The following AATK variants were observed in gnomAD, a reference collection of about 807,000 sequenced individuals.
The protein encoded by AATK is lemur tail kinase 1.
In AATK, 91 loss-of-function variants were observed where a neutral mutation model predicts 114.3. That is an observed-to-expected ratio of 0.80 (90% CI 0.67 to 0.95). The LOEUF (loss-of-function observed/expected upper bound fraction) is 0.95. AATK is among the 40% of genes least tolerant of loss of function. The pLI is 0.00. For missense variants in AATK, 2,176 were observed against 1,965.2 expected (o/e 1.11, Z -2.03); for synonymous variants, 1,075 against 916.5 (o/e 1.17, Z -3.12).
At chr17:81,119,337 G>C (rs8081830) in intron 13 of AATK, 43 bp downstream of exon 13, 5 of 1,115,558 alleles carry the variant, frequency 4.5e-6, no homozygotes, top group Non-Finnish European at 4.6e-6. Context: ...TCCGTGCCCT[G>C]CCTCCCGCGT....
chr17:81,130,951 TGTGCTGCCCCC>T, intron 3 of AATK, 99 bp downstream of exon 3: 1 of 1,361,640 alleles, frequency 7.3e-7, no homozygotes, highest in Non-Finnish European at 9.9e-7. Flanking sequence ...CTCCCAGCCC[TGTGCTGCCCCC>T]ACTCCAGAGC....
At chr17:81,156,057 T>C (rs1363926305) in intron 1 of AATK, among the ~76,000 whole-genome samples, 7 of 151,596 alleles carry the variant, frequency 4.6e-5, no homozygotes, top group South Asian at 4.2e-4. Context: ...TATGTTACCA[T>C]GTTATAATGT....
At position 81,138,260 on chromosome 17, in the gene AATK, C is replaced by G. The variant is rs149286557; in HGVS notation, c.56-3759G>C. ...ACATACCCACACACATGCACAGAGA[C>G]ATACCCACATGCACGTGCACACCCA... On this transcript the variant is annotated intron_variant, in intron 1 of 13. Coordinates refer to ENST00000326724, the MANE Select transcript of AATK (RefSeq NM_001080395.3). Among the ~76,000 whole-genome samples the G allele has an allele frequency of 5.1e-3, 765 of 149,000 alleles. 7 individuals are homozygous for G. The highest frequency in any genetic ancestry group is 9.1e-3 in the Non-Finnish European group (611 of 67,142).
At chr17:81,155,086 G>A (rs76744164) in intron 1 of AATK, among the ~76,000 whole-genome samples, 7,032 of 152,264 alleles carry the variant, frequency 0.046, 198 homozygotes, top group South Asian at 0.089. Flanking sequence ...TTGACTCCAC[G>A]GATGTGCATC....
chr17:81,156,422 A>G (rs1250338666), intron 1 of AATK, among the ~76,000 whole-genome samples: 9 of 152,074 alleles, frequency 5.9e-5, no homozygotes, highest in Admixed American at 5.9e-4. Flanking sequence ...TTTTTGAGAC[A>G]GAGTCTTGCT....
rs78413656 is a variant in AATK at position 81,126,202 on chromosome 17, T to C, written c.755+225A>G. On this transcript the variant is annotated intron_variant, in intron 7 of 13. Transcript: ENST00000326724. This position sits in a 1 kb window ranked among gnomAD's most constrained non-coding sequence, Gnocchi z 5.1. Reference sequence around the variant, plus strand: ...GACAGAGAACAGGCCAGCTTGACAGTACGCATCTCTTCGTCTAAACCTGCA... The same window carrying C: ...GACAGAGAACAGGCCAGCTTGACAGCACGCATCTCTTCGTCTAAACCTGCA... 0.011 allele frequency among the ~76,000 whole-genome samples: 1,628 copies of C among 152,324 alleles called. 36 individuals carry two copies. Among genetic ancestry groups the C allele is most frequent in the African/African-American group, 0.037 (1,540 of 41,574 alleles).
intron 1 of AATK, among the ~76,000 whole-genome samples, chr17:81,164,493 A>G (rs1217209428): frequency 1.3e-5 from 2 of 152,226 alleles, no homozygotes; most frequent in Non-Finnish European, 2.9e-5. Context: ...CCTCTAAGTC[A>G]TTAAACGGAC....
chr17:81,148,300 G>A (rs2061249524), intron 1 of AATK, among the ~76,000 whole-genome samples: 1 of 152,168 alleles, frequency 6.6e-6, no homozygotes, highest in Non-Finnish European at 1.5e-5. Flanking sequence ...ACGCAGAATG[G>A]CCACCTGCCC....
intron 1 of AATK, among the ~76,000 whole-genome samples, chr17:81,162,708 C>G (rs1478799127): frequency 3.3e-5 from 5 of 152,214 alleles, no homozygotes; most frequent in East Asian, 1.9e-4. Flanking sequence ...GCTGATAGAG[C>G]GAGCACCGTG....
chr17:81,153,190 G>A (rs2061319046), intron 1 of AATK, among the ~76,000 whole-genome samples: 1 of 152,064 alleles, frequency 6.6e-6, no homozygotes, highest in South Asian at 2.1e-4. Flanking sequence ...TGCCCCTGTT[G>A]GATTAGGAAA....
At position 81,122,279 on chromosome 17, in the gene AATK, TG is replaced by T. The variant is rs1432154317; in HGVS notation, c.1656del (p.Ser553ValfsTer65). ...TCCTGGTCCGCGGTGGCAGGTGGAC[TG>T]GGGGCGCAGCCGGCGCAGTCAGGGT... ...GHDPDCAGCAPSPPATADQDD... is the reference protein window; with the variant it reads ...GHDPDCAGCAXSPPATADQDD... On this transcript the variant is annotated frameshift_variant, in exon 11 of 14. Coordinates refer to ENST00000326724, the MANE Select transcript of AATK (RefSeq NM_001080395.3). LOFTEE classifies it high-confidence loss of function. 1.3e-6 allele frequency: 2 copies of T among 1,499,144 alleles called. No homozygotes were observed. The highest frequency in any genetic ancestry group is 1.8e-6 in the Non-Finnish European group (2 of 1,131,212). 92.9% of individuals were successfully genotyped at this position (1,499,144 alleles called of 1,614,324 possible).
rs750064118 is a variant in AATK at position 81,122,820 on chromosome 17, G to A, written c.1116C>T (p.Tyr372=). 7.2e-6 allele frequency: 11 copies of A among 1,535,064 alleles called. No homozygotes were observed. The highest frequency in any genetic ancestry group is 1.7e-4 in the Middle Eastern group (1 of 5,864). ...GCAGCCAGCAGAACTGCATCACCTC[G>A]TACCTGCGAGGAGGTCCCCCGGGGG... is the stretch of plus-strand genomic sequence containing the variant. ...QLQLTLSDRW[Y]EVMQFCWLQP... is the part of the protein sequence containing the mutation. The change falls in exon 11 of 14, where the codon TAC becomes TAT. Residue 372 remains tyrosine, a synonymous_variant. Transcript: ENST00000326724.
At chr17:81,130,107 C>T (rs759727483) in intron 3 of AATK, among the ~76,000 whole-genome samples, 25 of 152,250 alleles carry the variant, frequency 1.6e-4, no homozygotes, top group Admixed American at 7.8e-4. Context: ...CAGCCAGGCA[C>T]GGCTCAGAGC....
intron 2 of AATK, 42 bp downstream of exon 2, chr17:81,134,326 C>T: frequency 6.2e-7 from 1 of 1,609,994 alleles, no homozygotes; most frequent in Non-Finnish European, 8.5e-7. Context: ...CAGGCCTTGC[C>T]TGCGGGATCC....
At position 81,119,656 on chromosome 17, in the gene AATK, CCCAGGCCCCGCCTCCCATCATGTCACGGG is replaced by C. The variant is rs1485608600; in HGVS notation, c.3884-105_3884-77del. On this transcript the variant is annotated intron_variant, in intron 12 of 13. Coordinates refer to ENST00000326724, the MANE Select transcript of AATK (RefSeq NM_001080395.3). Reference sequence around the variant, plus strand: ...CCGGCCCCGCTCCCACAGTCACGGGCCCAGGCCCCGCCTCCCATCATGTCACGGGCCCAGGCCCCGCCTCCCATGATGTC... The same window carrying C: ...CCGGCCCCGCTCCCACAGTCACGGGCCCCAGGCCCCGCCTCCCATGATGTC... 947 of 540,942 alleles carry C rather than the reference CCCAGGCCCCGCCTCCCATCATGTCACGGG, an allele frequency of 1.8e-3. 14 individuals are homozygous for C. The South Asian group carries it at 0.03, about 17-fold the overall frequency. 33.5% of individuals were successfully genotyped at this position (540,942 alleles called of 1,614,324 possible). A position where few individuals can be genotyped will look rare whatever the true frequency, so the allele number is the denominator to read the frequency against.
chr17:81,141,167 T>C (rs1448062382), intron 1 of AATK, among the ~76,000 whole-genome samples: 1 of 152,124 alleles, frequency 6.6e-6, no homozygotes, highest in Non-Finnish European at 1.5e-5. Flanking sequence ...AAAGTGACTT[T>C]CGGCCGGGCG....
At chr17:81,119,850 G>A in intron 12 of AATK, 86 bp downstream of exon 12, 1 of 1,380,242 alleles carries the variant, frequency 7.2e-7, no homozygotes, top group Non-Finnish European at 9.4e-7. Flanking sequence ...CTCCCATGAT[G>A]TCACACATTA....
At position 81,134,357 on chromosome 17, in the gene AATK, C is replaced by T. The variant is rs2060980095; in HGVS notation, c.189+11G>A. The T allele has an allele frequency of 6.2e-7, 1 of 1,612,702 alleles. No individual in the cohort carries two copies. The highest frequency in any genetic ancestry group is 1.3e-5 in the African/African-American group (1 of 74,932). ...GATCCCACGACAGCTCCCGCGGCCCCCAGGCCTCACCTTGAACCCGATACC... is the reference window on the plus strand; with the variant it reads ...GATCCCACGACAGCTCCCGCGGCCCTCAGGCCTCACCTTGAACCCGATACC... On this transcript the variant is annotated intron_variant, in intron 2 of 13. Coordinates refer to ENST00000326724, the MANE Select transcript of AATK (RefSeq NM_001080395.3).
Position 81,128,019 on chromosome 17 carries a change from TCTC to T in AATK, c.415-112_415-110del, listed in dbSNP as rs1210256374. 55 of 1,331,188 alleles carry T rather than the reference TCTC, an allele frequency of 4.1e-5. No homozygotes were observed. In the Admixed American group the frequency reaches 4.9e-4, roughly 12 times the overall value. The allele number at this position is 1,331,188 out of a possible 1,614,324, so 82.5% of individuals were successfully genotyped here. On this transcript the variant is annotated intron_variant, in intron 4 of 13. Coordinates refer to ENST00000326724, the MANE Select transcript of AATK (RefSeq NM_001080395.3). ...ACGCCGGCCCCCAGGACAGGACACT[TCTC>T]CTCCTGTGCCCCGTCCACTCATTGC...
Sources: gnomAD v4.1 joint callset for allele counts (sites outside exome capture counted in the v4.1 genomes callset) on GRCh38, gnomAD v4.1.1 for gene constraint, Gnocchi (gnomAD v3.1) non-coding constraint, MANE v1.5 for transcripts, NCBI Gene and HGNC (gene_info 2026-07-23, HGNC 2026-07-21) for gene names.